Variants in TMEM182 observed in about 807,000 individuals in gnomAD.
TMEM182 encodes transmembrane protein 182.
TMEM182 carries 20 observed loss-of-function variants against 26.8 expected under a neutral mutation model. The ratio of observed to expected loss-of-function variants is 0.75; its 90% CI spans 0.53 to 1.09. The LOEUF (loss-of-function observed/expected upper bound fraction) is 1.09, where lower values mean the gene tolerates loss of function less well. Ranked by LOEUF, TMEM182 falls within the 50% of genes least tolerant of loss-of-function variation. The pLI is 0.00. For missense variants in TMEM182, 277 were observed against 275.5 expected (o/e 1.01, Z -0.04); for synonymous variants, 109 against 102.2 (o/e 1.07, Z -0.40).
At chr2:102,793,017 G>A (rs1034789436) in intron 3 of TMEM182, among the ~76,000 whole-genome samples, 1 of 152,080 alleles carries the variant, frequency 6.6e-6, no homozygotes, top group Non-Finnish European at 1.5e-5. Context: ...CGCTCCTGCT[G>A]CTTCCTCTGC....
chr2:102,764,007 G>A (rs1443013913), intron 2 of TMEM182, among the ~76,000 whole-genome samples: 2 of 152,128 alleles, frequency 1.3e-5, no homozygotes, highest in Admixed American at 6.6e-5. Flanking sequence ...GCTAGACACT[G>A]TTGGGTACTG....
intron 3 of TMEM182, among the ~76,000 whole-genome samples, chr2:102,767,792 A>G (rs1486053955): frequency 6.6e-6 from 1 of 152,334 alleles, no homozygotes; most frequent in Non-Finnish European, 1.5e-5. Context: ...TCAATTGCAT[A>G]CTTTTAGTTT....
chr2:102,799,473 T>G (rs1682018011), intron 4 of TMEM182, among the ~76,000 whole-genome samples: 1 of 152,212 alleles, frequency 6.6e-6, no homozygotes, highest in African/African-American at 2.4e-5. Flanking sequence ...TAATTTCATG[T>G]GTATACCTGG....
In TMEM182 at chr2:102,797,978, G is replaced by A. The variant is rs769504734; in HGVS notation, c.447G>A (p.Gly149=). The change falls in exon 4 of 5, where the codon GGG becomes GGA. Residue 149 remains glycine, a synonymous_variant. Coordinates refer to ENST00000412401, the MANE Select transcript of TMEM182 (RefSeq NM_144632.5). ...PFASHFLYKA[G]GGSYIAAGIL... is the part of the protein sequence containing the mutation. The stretch of plus-strand genomic sequence containing the variant: ...CCAGCCATTTTCTCTACAAAGCTGG[G>A]GGAGGCTCATATATTGCTGCAGGTA... The A allele has an allele frequency of 8.1e-6, 13 of 1,613,948 alleles. No individual in the cohort carries two copies. In the East Asian group the frequency reaches 2.7e-4, roughly 33 times the overall value.
chr2:102,842,395 A>G (rs182741156), intron 3 of TMEM182, among the ~76,000 whole-genome samples: 6 of 152,186 alleles, frequency 3.9e-5, no homozygotes, highest in African/African-American at 1.4e-4. Context: ...CCAATGTTGC[A>G]CTATCTTCTG....
At chr2:102,774,515 T>C (rs139964905) in intron 3 of TMEM182, among the ~76,000 whole-genome samples, 2,900 of 152,044 alleles carry the variant, frequency 0.019, 47 homozygotes, top group Non-Finnish European at 0.027. Context: ...TCTGCCCGCC[T>C]CAGCCTCCCA....
Position 102,762,225 on chromosome 2 carries a change from T to C in TMEM182, c.8T>C (p.Leu3Pro). MR[L>P]NIAIFFGALF... ...GAAACCAGTGAATTGAAAATGAGAC[T>C]AAATATCGCTATCTTCTTTGGAGCT... Residue 3 changes from leucine (L) to proline (P), a missense_variant, in exon 1 of 5, where the codon CTA (leucine) becomes CCA (proline). Coordinates refer to ENST00000412401, the MANE Select transcript of TMEM182 (RefSeq NM_144632.5). The C allele has an allele frequency of 6.2e-7, 1 of 1,611,778 alleles. No homozygotes were observed. Among genetic ancestry groups the C allele is most frequent in the Non-Finnish European group, 8.5e-7 (1 of 1,178,614 alleles).
chr2:102,770,469 A>T (rs1011389537), intron 3 of TMEM182, among the ~76,000 whole-genome samples: 23 of 152,150 alleles, frequency 1.5e-4, no homozygotes, highest in African/African-American at 5.6e-4. Flanking sequence ...ACAGGACCTG[A>T]GGACTCTGTC....
chr2:102,827,262 T>C (rs1479494628), intron 3 of TMEM182, among the ~76,000 whole-genome samples: 2 of 152,262 alleles, frequency 1.3e-5, no homozygotes, highest in Non-Finnish European at 2.9e-5. Flanking sequence ...TTCTCTTTTC[T>C]TTTTGTATAA....
At chr2:102,793,039 C>T (rs1330645689) in intron 3 of TMEM182, among the ~76,000 whole-genome samples, 1 of 152,162 alleles carries the variant, frequency 6.6e-6, no homozygotes, top group East Asian at 1.9e-4. Context: ...GTCTGTGTGA[C>T]CTGGTTCAGG....
chr2:102,839,823 C>A (rs1443793875), intron 3 of TMEM182, among the ~76,000 whole-genome samples: 1 of 152,152 alleles, frequency 6.6e-6, no homozygotes. Flanking sequence ...CTTCTGAAGT[C>A]AGAAGCCCAG....
At chr2:102,807,646 A>G (rs1251128448) in intron 4 of TMEM182, among the ~76,000 whole-genome samples, 1 of 152,194 alleles carries the variant, frequency 6.6e-6, no homozygotes, top group South Asian at 2.1e-4. Context: ...TGGAAGTGGC[A>G]AATTTCCCTT....
At chr2:102,794,345 C>T (rs947386425) in intron 3 of TMEM182, among the ~76,000 whole-genome samples, 2 of 152,312 alleles carry the variant, frequency 1.3e-5, no homozygotes, top group East Asian at 3.9e-4. Context: ...TTTAAAGAAA[C>T]TAAGACAAGA....
At position 102,823,959 on chromosome 2, in the gene TMEM182, A is replaced by G. The variant is rs113416046; in HGVS notation, c.326-19453A>G. On this transcript the variant is annotated intron_variant, in intron 3 of 3. Coordinates refer to the TMEM182 transcript ENST00000486293. ...TAATAGATTCCACATCATTGAAGTT[A>G]TCCATTTTTGAGCCAGAAAAATGCT... Among the ~76,000 whole-genome samples the G allele has an allele frequency of 8.5e-3, 1,297 of 152,348 alleles. 20 individuals are homozygous for G. The highest frequency in any genetic ancestry group is 0.03 in the African/African-American group (1,248 of 41,580).
chr2:102,790,707 C>T (rs1319110600), intron 3 of TMEM182, among the ~76,000 whole-genome samples: 1 of 152,212 alleles, frequency 6.6e-6, no homozygotes, highest in African/African-American at 2.4e-5. Flanking sequence ...TGCCTACTCA[C>T]ATCACTTTGA....
chr2:102,813,358 C>T (rs1295866237), intron 4 of TMEM182, among the ~76,000 whole-genome samples: 1 of 152,168 alleles, frequency 6.6e-6, no homozygotes, highest in African/African-American at 2.4e-5. Flanking sequence ...TACTCTCTGC[C>T]AATATGCCTC....
At chr2:102,795,914 C>G (rs188628076) in intron 3 of TMEM182, among the ~76,000 whole-genome samples, 1 of 152,234 alleles carries the variant, frequency 6.6e-6, no homozygotes, top group African/African-American at 2.4e-5. Context: ...CATGATTCCT[C>G]CCTCCTCTTT....
intron 3 of TMEM182, among the ~76,000 whole-genome samples, chr2:102,779,714 A>G (rs896971831): frequency 4.6e-5 from 7 of 151,560 alleles, no homozygotes; most frequent in Admixed American, 1.3e-4. Context: ...ATTTGGCTCA[A>G]GGCTGGGTGT....
intron 3 of TMEM182, among the ~76,000 whole-genome samples, chr2:102,795,159 A>T (rs764037994): frequency 6.6e-6 from 1 of 152,118 alleles, no homozygotes; most frequent in Non-Finnish European, 1.5e-5. Context: ...TATAGACCTT[A>T]TAATTTCTTT....
Sources: gnomAD v4.1 joint callset for allele counts (sites outside exome capture counted in the v4.1 genomes callset) on GRCh38, gnomAD v4.1.1 for gene constraint, MANE v1.5 for transcripts, NCBI Gene and HGNC (gene_info 2026-07-23, HGNC 2026-07-21) for gene names.